NIPBL: variants seen among roughly 807,000 people sequenced by gnomAD.
NIPBL encodes NIPBL cohesin loading factor.
NIPBL carries 19 observed loss-of-function variants against 321.8 expected under a neutral mutation model. The observed-to-expected ratio is 0.06, with a 90% CI of 0.04 to 0.09. The LOEUF (loss-of-function observed/expected upper bound fraction) is 0.09, where lower values mean the gene tolerates loss of function less well. Ranked by LOEUF, NIPBL falls within the 10% of genes least tolerant of loss-of-function variation. The pLI is 1.00. For missense variants in NIPBL, 2,210 were observed against 3,327.0 expected (o/e 0.66, Z 8.26); for synonymous variants, 1,106 against 1,114.1 (o/e 0.99, Z 0.14).
intron 33 of NIPBL, among the ~76,000 whole-genome samples, chr5:37,037,056 GT>G (rs1222752426): frequency 4.6e-5 from 7 of 151,864 alleles, no homozygotes; most frequent in African/African-American, 1.7e-4. Flanking sequence ...CAAATCTGAA[GT>G]TTTTTAATCA....
chr5:37,009,553 A>G (rs1747850192), intron 20 of NIPBL, among the ~76,000 whole-genome samples: 1 of 152,142 alleles, frequency 6.6e-6, no homozygotes, highest in South Asian at 2.1e-4. Flanking sequence ...GTTAAACCTG[A>G]AGAAAAACTA....
chr5:37,009,370 C>T (rs1747827237), intron 20 of NIPBL, among the ~76,000 whole-genome samples: 1 of 152,110 alleles, frequency 6.6e-6, no homozygotes, highest in South Asian at 2.1e-4. Context: ...ATTGTCTTTG[C>T]CATCATAGAT....
intron 33 of NIPBL, among the ~76,000 whole-genome samples, chr5:37,037,409 G>A (rs866935493): frequency 1.4e-4 from 20 of 140,228 alleles, no homozygotes; most frequent in Admixed American, 5.8e-4. Flanking sequence ...ATATATATAT[G>A]TATATATATA....
At chr5:36,955,888 T>C (rs1001305657) in intron 3 of NIPBL, among the ~76,000 whole-genome samples, 11 of 152,158 alleles carry the variant, frequency 7.2e-5, no homozygotes, top group African/African-American at 2.4e-4. Flanking sequence ...TTTGAACTTA[T>C]CTTGGGGGAT....
At chr5:36,956,065 CA>C (rs542704963) in intron 3 of NIPBL, among the ~76,000 whole-genome samples, 3,456 of 104,920 alleles carry the variant, frequency 0.033, 43 homozygotes, top group Middle Eastern at 0.065. Context: ...ACTAAAAATA[CA>C]AAAAAAAAAA....
chr5:37,029,783 A>C (rs12153359), intron 32 of NIPBL, among the ~76,000 whole-genome samples: 18,295 of 152,176 alleles, frequency 0.12, 1,201 homozygotes, highest in Admixed American at 0.19. Flanking sequence ...TTACTTTCTT[A>C]AGATGTCTTT....
chr5:37,043,487 A>G (rs999562036), intron 34 of NIPBL, among the ~76,000 whole-genome samples: 2 of 151,824 alleles, frequency 1.3e-5, no homozygotes, highest in Non-Finnish European at 2.9e-5. Context: ...AGATCATGCC[A>G]CTGCACTCCA....
intron 1 of NIPBL, among the ~76,000 whole-genome samples, chr5:36,931,559 C>A (rs1275458543): frequency 2.0e-5 from 3 of 152,150 alleles, no homozygotes; most frequent in Non-Finnish European, 2.9e-5. Context: ...CTCAAATGAT[C>A]TGCCCACCTT....
chr5:36,968,620 A>G (rs940942304), intron 6 of NIPBL, among the ~76,000 whole-genome samples: 2 of 152,082 alleles, frequency 1.3e-5, no homozygotes, highest in Non-Finnish European at 2.9e-5. Flanking sequence ...CAGCTACTCA[A>G]GTGGCCAAGG....
rs912109706 is a variant in NIPBL, at chr5:36,939,570, C to T, written c.-79-14048C>T. On this transcript the variant is annotated intron_variant, in intron 1 of 46. Coordinates refer to ENST00000282516, the MANE Select transcript of NIPBL (RefSeq NM_133433.4). ...TGAAGGACATTTGTTTCCAGCTTTT[C>T]GCTATTATGAAATTGTCTTAGTCCA... is the stretch of plus-strand genomic sequence containing the variant. 7.9e-5 allele frequency among the ~76,000 whole-genome samples: 12 copies of T among 152,112 alleles called. No individual in the cohort carries two copies. In the South Asian group the frequency reaches 1.2e-3, roughly 16 times the overall value.
chr5:36,944,880 A>G (rs1739492305), intron 1 of NIPBL, among the ~76,000 whole-genome samples: 1 of 152,182 alleles, frequency 6.6e-6, no homozygotes, highest in African/African-American at 2.4e-5. Flanking sequence ...GTATATCATC[A>G]CATATGTTTT....
intron 21 of NIPBL, among the ~76,000 whole-genome samples, chr5:37,010,974 C>T (rs983316646): frequency 2.6e-5 from 4 of 152,026 alleles, no homozygotes; most frequent in Non-Finnish European, 4.4e-5. Context: ...GGGCATTTTG[C>T]ATTTCATATT....
chr5:37,031,747 A>G (rs190321380), intron 32 of NIPBL, among the ~76,000 whole-genome samples: 2 of 152,362 alleles, frequency 1.3e-5, no homozygotes, highest in East Asian at 3.9e-4. Flanking sequence ...AATCCCATGC[A>G]ATTTAATAGT....
chr5:36,997,095 A>G (rs960602657), intron 11 of NIPBL: 2 of 152,224 alleles, frequency 1.3e-5, no homozygotes, highest in South Asian at 4.1e-4. Flanking sequence ...TTTTTATTAC[A>G]ATCAGATATT....
chr5:36,944,231 AGAG>A (rs141398228), intron 1 of NIPBL, among the ~76,000 whole-genome samples: 3,010 of 152,186 alleles, frequency 0.02, 83 homozygotes, highest in African/African-American at 0.062. Context: ...GATGCAGGAG[AGAG>A]GAGAATTGCT....
chr5:36,899,752 T>G (rs902598153), intron 1 of NIPBL, among the ~76,000 whole-genome samples: 8 of 152,202 alleles, frequency 5.3e-5, no homozygotes, highest in Non-Finnish European at 1.2e-4. Flanking sequence ...TACACAGAGT[T>G]AAAAACCTGC....
intron 1 of NIPBL, among the ~76,000 whole-genome samples, chr5:36,887,915 TGAA>T (rs1746037872): frequency 6.6e-6 from 1 of 152,200 alleles, no homozygotes; most frequent in Non-Finnish European, 1.5e-5. Context: ...AAAAAATACA[TGAA>T]GTAGGTTAAT....
intron 1 of NIPBL, among the ~76,000 whole-genome samples, chr5:36,923,982 C>T (rs1749156632): frequency 6.6e-6 from 1 of 152,102 alleles, no homozygotes; most frequent in South Asian, 2.1e-4. Context: ...TACTAATTGT[C>T]CTATAGATGA....
At chr5:37,050,219 C>T (rs1256161228) in intron 40 of NIPBL, among the ~76,000 whole-genome samples, 6 of 151,914 alleles carry the variant, frequency 3.9e-5, no homozygotes, top group African/African-American at 9.7e-5. Flanking sequence ...AATCCCAGCA[C>T]TTTGGGAGGC....
Sources: gnomAD v4.1 joint callset for allele counts (sites outside exome capture counted in the v4.1 genomes callset) on GRCh38, gnomAD v4.1.1 for gene constraint, MANE v1.5 for transcripts, NCBI Gene and HGNC (gene_info 2026-07-23, HGNC 2026-07-21) for gene names.